DNM3: variants seen among roughly 807,000 people sequenced by gnomAD.
The protein encoded by DNM3 is dynamin-3.
DNM3 carries 47 observed loss-of-function variants against 101.6 expected under a neutral mutation model. The ratio of observed to expected loss-of-function variants is 0.46; its 90% CI spans 0.37 to 0.59. The LOEUF is 0.59. Among genes scored for constraint, DNM3 ranks in the 20% least tolerant of loss-of-function variants. The probability of loss-of-function intolerance (pLI) is 0.00; values close to 1 mark genes in which losing one functional copy is unlikely to be tolerated. For synonymous variants in DNM3, 385 were observed against 387.9 expected (o/e 0.99, Z 0.09); for missense variants, 849 against 1,085.7 (o/e 0.78, Z 3.06).
intron 1 of DNM3, among the ~76,000 whole-genome samples, chr1:171,917,811 A>G (rs539864259): frequency 3.7e-4 from 56 of 152,358 alleles, no homozygotes; most frequent in African/African-American, 1.3e-3. Context: ...ATCCAAAGTA[A>G]TGCTAAAGGA....
At chr1:171,891,277 AT>A (rs1553287148) in intron 1 of DNM3, among the ~76,000 whole-genome samples, 4 of 151,776 alleles carry the variant, frequency 2.6e-5, no homozygotes, top group African/African-American at 9.7e-5. Flanking sequence ...TTTCCAAATT[AT>A]TTTTTTCAAA....
At chr1:172,271,639 C>T (rs1199489590) in intron 15 of DNM3, among the ~76,000 whole-genome samples, 2 of 151,918 alleles carry the variant, frequency 1.3e-5, no homozygotes, top group Non-Finnish European at 1.5e-5. Flanking sequence ...GATATTCCAC[C>T]AAAACTCGAC....
chr1:172,304,941 A>G (rs2148861572), intron 15 of DNM3, among the ~76,000 whole-genome samples: 1 of 152,346 alleles, frequency 6.6e-6, no homozygotes, highest in Non-Finnish European at 1.5e-5. Context: ...GAAAGATCCA[A>G]AATTGACACC....
chr1:171,998,077 G>A (rs1357828486), intron 4 of DNM3, among the ~76,000 whole-genome samples: 1 of 152,136 alleles, frequency 6.6e-6, no homozygotes, highest in Non-Finnish European at 1.5e-5. Context: ...TCACTGTCAA[G>A]CAGCTGGTAA....
chr1:172,359,633 A>AT (rs1009387022), intron 17 of DNM3, among the ~76,000 whole-genome samples: 12 of 151,822 alleles, frequency 7.9e-5, no homozygotes, highest in Middle Eastern at 3.4e-3. Context: ...AAAATAAAAA[A>AT]AAAAAAACCT....
chr1:172,101,849 T>C (rs2054663166), intron 13 of DNM3, among the ~76,000 whole-genome samples: 1 of 152,012 alleles, frequency 6.6e-6, no homozygotes. Flanking sequence ...TACATTAATT[T>C]GCTTTTTTTA....
intron 18 of DNM3, among the ~76,000 whole-genome samples, chr1:172,383,620 T>C (rs753325338): frequency 2.0e-5 from 3 of 152,160 alleles, no homozygotes; most frequent in Non-Finnish European, 4.4e-5. Context: ...TAGGAAACTG[T>C]AGGAAAACCC....
intron 14 of DNM3, among the ~76,000 whole-genome samples, chr1:172,205,750 G>A (rs555664718): frequency 6.6e-5 from 10 of 152,104 alleles, no homozygotes; most frequent in South Asian, 6.2e-4. Context: ...ATATATAGTC[G>A]GGAAAGGAAT....
intron 13 of DNM3, among the ~76,000 whole-genome samples, chr1:172,105,065 A>C (rs778243294): frequency 7.2e-5 from 11 of 152,224 alleles, no homozygotes; most frequent in South Asian, 2.1e-4. Context: ...GTAACAACTC[A>C]GTTACTATGG....
At chr1:171,907,590 A>T (rs2038939737) in intron 1 of DNM3, among the ~76,000 whole-genome samples, 1 of 152,030 alleles carries the variant, frequency 6.6e-6, no homozygotes, top group Non-Finnish European at 1.5e-5. Context: ...CAGAGTTCCT[A>T]CAATGGCTGA....
intron 4 of DNM3, among the ~76,000 whole-genome samples, chr1:172,028,478 A>T (rs904035685): frequency 1.3e-5 from 2 of 152,216 alleles, no homozygotes; most frequent in African/African-American, 2.4e-5. Context: ...AAGATCTAAA[A>T]TCGACACCCT....
chr1:171,883,124 G>A lies in DNM3; in HGVS notation c.162-38624G>A, dbSNP rs548544058. Among the ~76,000 whole-genome samples the A allele has an allele frequency of 4.0e-5, 6 of 151,590 alleles. No homozygotes were observed. The South Asian group carries it at 1.3e-3, about 32-fold the overall frequency. On this transcript the variant is annotated intron_variant, in intron 1 of 20. Transcript: ENST00000627582. ...ATGCTCTTTGAAAGCATATTTTCCT[G>A]GCTCCCTAATGTTCTTTATTACAGT...
rs906388430 is a variant in DNM3, at chr1:172,408,827, T to C, written c.*986T>C. On this transcript the variant is annotated 3_prime_UTR_variant, in exon 21 of 21. Transcript: ENST00000627582. Reference sequence around the variant, plus strand: ...TATCCTACCCTTGAAACAGGCTCAGTGTAACTGTATATCCATTCTAGGCTT... The same window carrying C: ...TATCCTACCCTTGAAACAGGCTCAGCGTAACTGTATATCCATTCTAGGCTT... 1.0e-6 allele frequency: 1 copy of C among 985,140 alleles called. No individual in the cohort carries two copies. The highest frequency in any genetic ancestry group is 1.2e-6 in the Non-Finnish European group (1 of 829,790). The allele number at this position is 985,140 out of a possible 1,614,324, so 61.0% of individuals were successfully genotyped here.
chr1:171,984,108 T>C (rs1273701488), intron 2 of DNM3, among the ~76,000 whole-genome samples: 1 of 152,158 alleles, frequency 6.6e-6, no homozygotes, highest in Non-Finnish European at 1.5e-5. Context: ...CAAAATACAT[T>C]AGAATTTAAC....
chr1:172,254,223 G>C (rs779557324), intron 15 of DNM3, among the ~76,000 whole-genome samples: 3 of 152,292 alleles, frequency 2.0e-5, no homozygotes, highest in Non-Finnish European at 4.4e-5. Flanking sequence ...ACTGCACCCA[G>C]TCTGTCTGTT....
intron 15 of DNM3, among the ~76,000 whole-genome samples, chr1:172,261,203 T>C (rs2148712381): frequency 6.6e-6 from 1 of 151,554 alleles, no homozygotes; most frequent in South Asian, 2.1e-4. Flanking sequence ...CTTTCCTGTG[T>C]TCTTATGTTG....
intron 15 of DNM3, among the ~76,000 whole-genome samples, chr1:172,302,241 C>T (rs2064495721): frequency 6.6e-6 from 1 of 152,224 alleles, no homozygotes; most frequent in South Asian, 2.1e-4. Flanking sequence ...CTCAGCAGGT[C>T]CCACACCCAC....
At chr1:171,879,527 CTATT>C (rs1432660029) in intron 1 of DNM3, among the ~76,000 whole-genome samples, 2 of 152,090 alleles carry the variant, frequency 1.3e-5, no homozygotes, top group African/African-American at 4.8e-5. Flanking sequence ...ATAATTCTAA[CTATT>C]TAAGAAAAAA....
chr1:172,388,449 AC>A, intron 19 of DNM3, 123 bp from the exon 20 acceptor site: 1 of 829,362 alleles, frequency 1.2e-6, no homozygotes, highest in Non-Finnish European at 1.9e-6. Context: ...GACTTTCATG[AC>A]ATGAATTGGA....
Sources: allele counts gnomAD v4.1 joint callset (sites outside exome capture counted in the v4.1 genomes callset), GRCh38; gene constraint gnomAD v4.1.1; transcripts MANE v1.5; gene names NCBI Gene and HGNC (gene_info 2026-07-23, HGNC 2026-07-21).